RXYLT1: variants seen among roughly 807,000 people sequenced by gnomAD.
RXYLT1 encodes ribitol-5-phosphate xylosyltransferase 1.
RXYLT1 carries 41 observed loss-of-function variants against 43.5 expected under a neutral mutation model. That is an observed-to-expected ratio of 0.94 (90% CI 0.73 to 1.22). The LOEUF (loss-of-function observed/expected upper bound fraction) is 1.22, where lower values mean the gene tolerates loss of function less well. Ranked by LOEUF, RXYLT1 falls within the 50% of genes most tolerant of loss-of-function variation. RXYLT1 has a pLI of 0.00. For missense variants in RXYLT1, 514 were observed against 532.0 expected (o/e 0.97, Z 0.33); for synonymous variants, 166 against 194.4 (o/e 0.85, Z 1.21).
At chr12:63,788,538 G>C (rs1197026225) in intron 3 of RXYLT1, among the ~76,000 whole-genome samples, 1 of 152,094 alleles carries the variant, frequency 6.6e-6, no homozygotes, top group Non-Finnish European at 1.5e-5. Flanking sequence ...TTATGTTATG[G>C]AGATGGCTTC....
intron 2 of RXYLT1, chr12:63,782,620 C>T (rs764524253): frequency 6.8e-5 from 31 of 456,572 alleles, no homozygotes; most frequent in African/African-American, 5.8e-4. Flanking sequence ...GGATTCACTC[C>T]ATTAGATGGG....
rs1897633603 is a variant in RXYLT1 at position 63,780,001 on chromosome 12, C to T, written c.41C>T (p.Ala14Val). The T allele has an allele frequency of 8.7e-6, 14 of 1,611,424 alleles. No individual in the cohort carries two copies. The highest frequency in any genetic ancestry group is 1.1e-5 in the Non-Finnish European group (13 of 1,179,098). The change falls in exon 1 of 6, where the codon GCC becomes GTC. Residue 14 changes from alanine to valine, a missense_variant. Coordinates refer to ENST00000261234, the MANE Select transcript of RXYLT1 (RefSeq NM_014254.3). The stretch of plus-strand genomic sequence containing the variant: ...AAGCGGCTCTGCTCGTTTCTTATCG[C>T]CCTGTACTGCCTATTCTCCCTCTAC... Reference protein sequence around the residue: ...TRKRLCSFLIALYCLFSLYAA... With the variant: ...TRKRLCSFLIVLYCLFSLYAA...
At chr12:63,784,456 T>C (rs889306048) in intron 2 of RXYLT1, among the ~76,000 whole-genome samples, 2 of 152,196 alleles carry the variant, frequency 1.3e-5, no homozygotes, top group Non-Finnish European at 2.9e-5. Flanking sequence ...GACATTTGTC[T>C]GTGAGGGGAT....
intron 5 of RXYLT1, chr12:63,806,439 TGC>T (rs1898293323): frequency 6.6e-6 from 1 of 152,250 alleles, no homozygotes; most frequent in South Asian, 2.1e-4. Flanking sequence ...GTTACATTTA[TGC>T]ACAGGCCTTA....
chr12:63,802,579 T>A (rs1012472681), intron 4 of RXYLT1, among the ~76,000 whole-genome samples, 174 bp downstream of exon 4: 2 of 152,182 alleles, frequency 1.3e-5, no homozygotes, highest in South Asian at 2.1e-4. Flanking sequence ...ACAATTATGA[T>A]GTTTTTAAGA....
At chr12:63,780,508 C>T (rs1897655768) in intron 1 of RXYLT1, 2 of 1,068,416 alleles carry the variant, frequency 1.9e-6, no homozygotes, top group Non-Finnish European at 2.3e-6. Flanking sequence ...CTCTCTAATC[C>T]TGCAGTGACC....
chr12:63,782,624 A>G (rs999834773), intron 2 of RXYLT1: 1 of 456,604 alleles, frequency 2.2e-6, no homozygotes, highest in African/African-American at 2.0e-5. Context: ...TCACTCCATT[A>G]GATGGGAAGC....
Position 63,808,894 on chromosome 12 carries a change from C to A in RXYLT1, c.1134C>A (p.Ser378=), listed in dbSNP as rs774895395. 1 of 1,614,126 alleles carries A rather than the reference C, an allele frequency of 6.2e-7. No homozygotes were observed. Among genetic ancestry groups the A allele is most frequent in the Non-Finnish European group, 8.5e-7 (1 of 1,180,040 alleles). The change falls in exon 6 of 6, where the codon TCC becomes TCA. Residue 378 remains serine (S), a synonymous_variant. Coordinates refer to ENST00000261234, the MANE Select transcript of RXYLT1 (RefSeq NM_014254.3). ...HHGAPLQLLK[S]MGAPFIFIKN... ...GTGCTCCTCTGCAGTTACTCAAGTC[C>A]ATGGGTGCTCCCTTTATCTTTATCA...
chr12:63,786,966 T>C (rs944909840), intron 3 of RXYLT1, among the ~76,000 whole-genome samples: 1 of 152,054 alleles, frequency 6.6e-6, no homozygotes, highest in African/African-American at 2.4e-5. Context: ...ATACAAAAAT[T>C]GGCTGCAAGT....
chr12:63,802,732 G>T (rs1254469011), intron 4 of RXYLT1, among the ~76,000 whole-genome samples: 2 of 151,912 alleles, frequency 1.3e-5, no homozygotes, highest in Admixed American at 6.6e-5. Flanking sequence ...TAAAAACAAT[G>T]ATAGTATCTA....
chr12:63,802,247 T>A lies in RXYLT1; in HGVS notation c.585T>A (p.His195Gln). The change falls in exon 4 of 6, where the codon CAT (histidine) becomes CAA (glutamine). Residue 195 changes from histidine (H) to glutamine (Q), a missense_variant. Transcript: ENST00000261234. ...TAGTGCAAATTCAAAAACTCCAGCA[T>A]CTTGCTGTTGTTTTGCTCGGAAATG... ...QNLVQIQKLQ[H>Q]LAVVLLGNEH... The A allele has an allele frequency of 6.2e-7, 1 of 1,614,134 alleles. No individual in the cohort carries two copies. Among genetic ancestry groups the A allele is most frequent in the Non-Finnish European group, 8.5e-7 (1 of 1,180,012 alleles).
chr12:63,783,942 C>T (rs1399802720), intron 2 of RXYLT1, among the ~76,000 whole-genome samples: 4 of 152,122 alleles, frequency 2.6e-5, no homozygotes, highest in African/African-American at 9.7e-5. Context: ...TATGGCCCCA[C>T]ATCACTCTGA....
At chr12:63,804,805 A>C (rs1898248820) in intron 4 of RXYLT1, 1 of 154,500 alleles carries the variant, frequency 6.5e-6, no homozygotes, top group East Asian at 1.9e-4. Context: ...CCTTCGATCA[A>C]CATCTTCCTT....
At chr12:63,781,984 A>T in intron 2 of RXYLT1, among the ~76,000 whole-genome samples, 1 of 152,194 alleles carries the variant, frequency 6.6e-6, no homozygotes, top group East Asian at 1.9e-4. Context: ...TCTAAATTTC[A>T]AGTACCTGAA....
chr12:63,808,723 C>T lies in RXYLT1; in HGVS notation c.963C>T (p.Ala321=). 1 of 1,606,114 alleles carries T rather than the reference C, an allele frequency of 6.2e-7. No homozygotes were observed. The highest frequency in any genetic ancestry group is 8.5e-7 in the Non-Finnish European group (1 of 1,178,368). The change falls in exon 6 of 6, where the codon GCC becomes GCT. Residue 321 remains alanine, a synonymous_variant. Coordinates refer to ENST00000261234, the MANE Select transcript of RXYLT1 (RefSeq NM_014254.3). Reference sequence around the variant, plus strand: ...AAAGTCTTAAGAATTACCAAGATGCCTTGCTTCAGAGTGATCTCACATTGT... The same window carrying T: ...AAAGTCTTAAGAATTACCAAGATGCTTTGCTTCAGAGTGATCTCACATTGT... ...TNESLKNYQD[A]LLQSDLTLCP...
At chr12:63,803,259 T>G (rs1898207278) in intron 4 of RXYLT1, among the ~76,000 whole-genome samples, 1 of 151,324 alleles carries the variant, frequency 6.6e-6, no homozygotes, top group Non-Finnish European at 1.5e-5. Flanking sequence ...TATTTTTATC[T>G]TTCTGTTAAT....
chr12:63,783,456 G>A (rs1897731838), intron 2 of RXYLT1, among the ~76,000 whole-genome samples: 2 of 151,100 alleles, frequency 1.3e-5, no homozygotes, highest in African/African-American at 4.9e-5. Context: ...GCGAGACTCT[G>A]TCTCAAAAAA....
intron 3 of RXYLT1, among the ~76,000 whole-genome samples, chr12:63,800,049 AATGTC>A (rs1200965859): frequency 2.0e-5 from 3 of 152,202 alleles, no homozygotes; most frequent in African/African-American, 7.2e-5. Context: ...ATTTTAGAAT[AATGTC>A]ATATAAATCA....
chr12:63,780,111 CG>C lies in RXYLT1; in HGVS notation c.154del (p.Glu52ArgfsTer37). The C allele has an allele frequency of 6.5e-7, 1 of 1,531,202 alleles. No homozygotes were observed. The allele number at this position is 1,531,202 out of a possible 1,614,324, so 94.9% of individuals were successfully genotyped here. ...RGLRKGAAPA[R>X]ERRGREQSTL... ...CCTCAGGAAGGGGGCGGCCCCCGCG[CG>C]GGAGAGACGCGGCCGAGGTAGGACT... On this transcript the variant is annotated frameshift_variant, in exon 1 of 6. Transcript: ENST00000261234. LOFTEE classifies it high-confidence loss of function.
Sources: gnomAD v4.1 joint callset for allele counts (sites outside exome capture counted in the v4.1 genomes callset) on GRCh38, gnomAD v4.1.1 for gene constraint, MANE v1.5 for transcripts, NCBI Gene and HGNC (gene_info 2026-07-23, HGNC 2026-07-21) for gene names.